NXPH2: variants seen among roughly 807,000 people sequenced by gnomAD.
The protein encoded by NXPH2 is neurexophilin-2.
A neutral mutation model predicts 19.8 loss-of-function variants in NXPH2; 5 were observed. The observed-to-expected ratio is 0.25, with a 90% CI of 0.13 to 0.53. The LOEUF (loss-of-function observed/expected upper bound fraction) is 0.53. Among genes scored for constraint, NXPH2 ranks in the 20% least tolerant of loss-of-function variants. The probability of loss-of-function intolerance (pLI) is 0.96; values close to 1 mark genes in which losing one functional copy is unlikely to be tolerated. For synonymous variants in NXPH2, 154 were observed against 127.4 expected (o/e 1.21, Z -1.41); for missense variants, 289 against 322.8 (o/e 0.90, Z 0.80).
chr2:138,691,609 G>C (rs1573955803), intron 1 of NXPH2, among the ~76,000 whole-genome samples: 1 of 152,082 alleles, frequency 6.6e-6, no homozygotes, highest in African/African-American at 2.4e-5. Context: ...TCACTATTGG[G>C]AGAAAGTTAT....
At chr2:138,767,387 C>T (rs1271237589) in intron 1 of NXPH2, among the ~76,000 whole-genome samples, 1 of 152,252 alleles carries the variant, frequency 6.6e-6, no homozygotes, top group Non-Finnish European at 1.5e-5. Flanking sequence ...TGCAGCACCT[C>T]TTTGAGGATT....
intron 1 of NXPH2, among the ~76,000 whole-genome samples, chr2:138,766,751 GA>G (rs1271189353): frequency 4.0e-5 from 6 of 151,888 alleles, no homozygotes; most frequent in Non-Finnish European, 7.4e-5. Flanking sequence ...AAAGCACTAT[GA>G]AAAAAGAAGC....
chr2:138,677,085 G>C (rs1178757262), intron 1 of NXPH2, among the ~76,000 whole-genome samples: 1 of 152,202 alleles, frequency 6.6e-6, no homozygotes, highest in Admixed American at 6.5e-5. Flanking sequence ...TGAGAAGAAT[G>C]TAGGTGGCTC....
At chr2:138,711,845 G>T (rs1681110433) in intron 1 of NXPH2, among the ~76,000 whole-genome samples, 1 of 152,148 alleles carries the variant, frequency 6.6e-6, no homozygotes, top group South Asian at 2.1e-4. Flanking sequence ...TTTGTTTAAG[G>T]ATAGTGTTTC....
intron 1 of NXPH2, among the ~76,000 whole-genome samples, chr2:138,677,479 G>T (rs1680501981): frequency 6.6e-6 from 1 of 152,160 alleles, no homozygotes; most frequent in African/African-American, 2.4e-5. Context: ...AGCTCAAAAA[G>T]ATTAATAAAT....
chr2:138,756,583 C>T (rs1681912843), intron 1 of NXPH2, among the ~76,000 whole-genome samples: 1 of 151,900 alleles, frequency 6.6e-6, no homozygotes, highest in African/African-American at 2.4e-5. Flanking sequence ...ATCTCTTGCT[C>T]TTGGGAAACA....
At chr2:138,692,691 A>C (rs1156833546) in intron 1 of NXPH2, among the ~76,000 whole-genome samples, 1 of 152,204 alleles carries the variant, frequency 6.6e-6, no homozygotes, top group Non-Finnish European at 1.5e-5. Flanking sequence ...GTCTTTAGAT[A>C]TCTCTCTCAC....
intron 1 of NXPH2, among the ~76,000 whole-genome samples, chr2:138,718,595 G>A (rs1033527483): frequency 3.5e-4 from 53 of 152,244 alleles, no homozygotes; most frequent in African/African-American, 1.3e-3. Context: ...AGTCAGAAAG[G>A]TAGCAGCTGA....
intron 1 of NXPH2, among the ~76,000 whole-genome samples, chr2:138,721,825 G>A (rs1681283206): frequency 2.0e-5 from 3 of 152,190 alleles, no homozygotes; most frequent in Admixed American, 2.0e-4. Context: ...GTTAGCAAGT[G>A]GGATAATGCC....
At chr2:138,730,567 C>A (rs1464221977) in intron 1 of NXPH2, among the ~76,000 whole-genome samples, 1 of 152,044 alleles carries the variant, frequency 6.6e-6, no homozygotes, top group East Asian at 1.9e-4. Flanking sequence ...AGGCACCATG[C>A]TATGAGGCAG....
chr2:138,766,571 G>A (rs1294819037), intron 1 of NXPH2, among the ~76,000 whole-genome samples: 1 of 152,096 alleles, frequency 6.6e-6, no homozygotes, highest in East Asian at 1.9e-4. Flanking sequence ...CAACAGTTCT[G>A]AGGTTGGTAC....
At chr2:138,715,270 A>G in intron 1 of NXPH2, among the ~76,000 whole-genome samples, 1 of 152,192 alleles carries the variant, frequency 6.6e-6, no homozygotes. Flanking sequence ...CAATATTTAA[A>G]AAGCAGAGAT....
chr2:138,761,460 T>C (rs1682016251), intron 1 of NXPH2, among the ~76,000 whole-genome samples: 1 of 152,234 alleles, frequency 6.6e-6, no homozygotes, highest in African/African-American at 2.4e-5. Context: ...GCTACATTTC[T>C]TTATGGGTTT....
At chr2:138,679,147 A>C (rs1680532115) in intron 1 of NXPH2, among the ~76,000 whole-genome samples, 1 of 152,250 alleles carries the variant, frequency 6.6e-6, no homozygotes, top group African/African-American at 2.4e-5. Flanking sequence ...ACACTCACTG[A>C]ATAACGAAAA....
chr2:138,680,510 C>A (rs539828523), intron 1 of NXPH2, among the ~76,000 whole-genome samples: 1 of 152,190 alleles, frequency 6.6e-6, no homozygotes, highest in Non-Finnish European at 1.5e-5. Context: ...AGGACAGACA[C>A]AGGTCCTGTC....
chr2:138,742,994 G>T lies in NXPH2; in HGVS notation c.51+37197C>A, dbSNP rs186433641. ...TTCACTTCTAAATCCATGTGTATTA[G>T]TATAATTTAGTGAGATCATTTCTTA... On this transcript the variant is annotated intron_variant, in intron 1 of 1. Coordinates refer to ENST00000272641, the MANE Select transcript of NXPH2 (RefSeq NM_007226.3). Among the ~76,000 whole-genome samples the T allele has an allele frequency of 1.2e-4, 18 of 152,256 alleles. No homozygotes were observed. The East Asian group carries it at 3.5e-3, about 29-fold the overall frequency.
intron 1 of NXPH2, among the ~76,000 whole-genome samples, chr2:138,743,976 C>A (rs1681687116): frequency 8.0e-6 from 1 of 124,598 alleles, no homozygotes; most frequent in African/African-American, 3.0e-5. Context: ...GCACTCCAGC[C>A]TGAGTGATAG....
intron 1 of NXPH2, among the ~76,000 whole-genome samples, chr2:138,690,792 T>C (rs978283945): frequency 1.3e-5 from 2 of 152,212 alleles, no homozygotes; most frequent in African/African-American, 4.8e-5. Flanking sequence ...TCTTACTCTA[T>C]GGAGGGTAGT....
At chr2:138,754,024 G>T (rs545855729) in intron 1 of NXPH2, among the ~76,000 whole-genome samples, 1 of 152,068 alleles carries the variant, frequency 6.6e-6, no homozygotes, top group South Asian at 2.1e-4. Context: ...TTTGAGGTGG[G>T]ATCTTGCTGT....
Sources: gnomAD v4.1 joint callset for allele counts (sites outside exome capture counted in the v4.1 genomes callset) on GRCh38, gnomAD v4.1.1 for gene constraint, MANE v1.5 for transcripts, NCBI Gene and HGNC (gene_info 2026-07-23, HGNC 2026-07-21) for gene names.